Variants in PRKG2 observed in about 807,000 individuals in gnomAD.
PRKG2 encodes protein kinase cGMP-dependent 2.
Under a neutral mutation model 97.2 loss-of-function variants are expected in PRKG2, and 33 were observed. That is an observed-to-expected ratio of 0.34 (90% CI 0.26 to 0.45). The LOEUF is 0.45. Ranked by LOEUF, PRKG2 falls within the 20% of genes least tolerant of loss-of-function variation. The pLI, the probability that PRKG2 is intolerant of heterozygous loss-of-function variation, is 1.00. For missense variants in PRKG2, 638 were observed against 900.0 expected (o/e 0.71, Z 3.73); for synonymous variants, 330 against 321.8 (o/e 1.03, Z -0.27).
chr4:81,160,559 A>T (rs1749522445), intron 6 of PRKG2, among the ~76,000 whole-genome samples: 1 of 152,150 alleles, frequency 6.6e-6, no homozygotes, highest in African/African-American at 2.4e-5. Context: ...ATATTAGGAA[A>T]ATTACCCTTA....
chr4:81,101,515 A>G (rs1270736874), intron 17 of PRKG2, among the ~76,000 whole-genome samples: 2 of 140,070 alleles, frequency 1.4e-5, no homozygotes, highest in African/African-American at 5.3e-5. Flanking sequence ...GAATTGAACA[A>G]TGAGAACACA....
chr4:81,212,143 G>A (rs1754010019), intron 1 of PRKG2, among the ~76,000 whole-genome samples: 1 of 152,256 alleles, frequency 6.6e-6, no homozygotes, highest in Admixed American at 6.5e-5. Flanking sequence ...TTGACCCGGG[G>A]CTCAGTTTGG....
chr4:81,124,252 G>A (rs904968627), intron 14 of PRKG2, among the ~76,000 whole-genome samples: 2 of 151,918 alleles, frequency 1.3e-5, no homozygotes, highest in Admixed American at 1.3e-4. Flanking sequence ...AGCTTCTATT[G>A]TTGCTGTTGA....
chr4:81,167,118 A>G, intron 6 of PRKG2, 43 bp downstream of exon 6: 4 of 1,299,296 alleles, frequency 3.1e-6, no homozygotes, highest in South Asian at 1.3e-5. Flanking sequence ...GTACATTCTA[A>G]TATCTTCTAA....
chr4:81,134,236 T>C (rs1746448886), intron 14 of PRKG2, among the ~76,000 whole-genome samples: 1 of 152,206 alleles, frequency 6.6e-6, no homozygotes, highest in Admixed American at 6.5e-5. Context: ...ATGTGGGTGA[T>C]GAAACCTATC....
intron 11 of PRKG2, among the ~76,000 whole-genome samples, 160 bp downstream of exon 11, chr4:81,142,634 T>C (rs905473592): frequency 1.3e-5 from 2 of 152,160 alleles, no homozygotes; most frequent in African/African-American, 4.8e-5. Context: ...CCTGCTACTA[T>C]ACAATATACA....
chr4:81,139,627 T>C (rs1747062480), intron 12 of PRKG2, among the ~76,000 whole-genome samples: 1 of 149,840 alleles, frequency 6.7e-6, no homozygotes, highest in East Asian at 1.9e-4. Flanking sequence ...AAAAAAAAAT[T>C]AGCCAGGCAT....
chr4:81,135,340 C>G, intron 13 of PRKG2, 44 bp from the exon 14 acceptor site: 2 of 1,589,574 alleles, frequency 1.3e-6, no homozygotes, highest in South Asian at 2.3e-5. Flanking sequence ...GGATACACAT[C>G]TTTGGTGCTG....
intron 2 of PRKG2, among the ~76,000 whole-genome samples, chr4:81,195,399 C>T (rs1300829285): frequency 6.6e-6 from 1 of 152,086 alleles, no homozygotes; most frequent in African/African-American, 2.4e-5. Context: ...ATAAAATATA[C>T]ATAACATAAA....
chr4:81,194,016 T>C (rs1453774372), intron 2 of PRKG2, among the ~76,000 whole-genome samples: 1 of 152,100 alleles, frequency 6.6e-6, no homozygotes, highest in Non-Finnish European at 1.5e-5. Context: ...CTATAATCTA[T>C]TCCTCCTTAA....
At chr4:81,097,894 G>T (rs1029975729) in intron 17 of PRKG2, among the ~76,000 whole-genome samples, 15 of 152,090 alleles carry the variant, frequency 9.9e-5, no homozygotes, top group Non-Finnish European at 1.6e-4. Flanking sequence ...TGTTGTGTCT[G>T]GTTTGATCTC....
Position 81,145,490 on chromosome 4 carries a change from T to C in PRKG2, c.1155-1160A>G, listed in dbSNP as rs1003543269. On this transcript the variant is annotated intron_variant, in intron 9 of 18. Coordinates refer to ENST00000264399, the MANE Select transcript of PRKG2 (RefSeq NM_006259.3). ...ATTTTACCTTACTTTAGTAGTTCTCTGAGGATCAGCCAACATCTCATTACC... is the reference window on the plus strand; with the variant it reads ...ATTTTACCTTACTTTAGTAGTTCTCCGAGGATCAGCCAACATCTCATTACC... 3.9e-5 allele frequency among the ~76,000 whole-genome samples: 6 copies of C among 152,290 alleles called. No individual in the cohort carries two copies. In the South Asian group the frequency reaches 8.3e-4, roughly 21 times the overall value.
At chr4:81,212,815 T>C (rs965870180) in intron 1 of PRKG2, among the ~76,000 whole-genome samples, 4 of 152,226 alleles carry the variant, frequency 2.6e-5, no homozygotes, top group Non-Finnish European at 4.4e-5. Flanking sequence ...CTGTAAGATA[T>C]GGTAAGAAGG....
chr4:81,211,746 C>G (rs1262420610), intron 1 of PRKG2, among the ~76,000 whole-genome samples: 1 of 152,022 alleles, frequency 6.6e-6, no homozygotes, highest in African/African-American at 2.4e-5. Context: ...AAAAATTGAC[C>G]ATCTCCGTGG....
At chr4:81,154,181 C>G (rs1399182660) in intron 6 of PRKG2, 16 of 163,088 alleles carry the variant, frequency 9.8e-5, no homozygotes, top group African/African-American at 9.6e-5. Context: ...AAGGCAGCAG[C>G]GAGGCTCGGG....
chr4:81,106,382 C>G (rs2109972517), intron 15 of PRKG2, among the ~76,000 whole-genome samples: 1 of 152,210 alleles, frequency 6.6e-6, no homozygotes, highest in South Asian at 2.1e-4. Context: ...CTGGGAGGTC[C>G]TGCATAGTGA....
intron 14 of PRKG2, among the ~76,000 whole-genome samples, chr4:81,118,942 G>GC (rs1744815220): frequency 6.6e-6 from 1 of 152,042 alleles, no homozygotes; most frequent in Non-Finnish European, 1.5e-5. Flanking sequence ...CTGCAGGTGT[G>GC]AGCCACCACG....
chr4:81,110,057 T>C (rs1434961762), intron 15 of PRKG2, among the ~76,000 whole-genome samples: 1 of 152,192 alleles, frequency 6.6e-6, no homozygotes, highest in Non-Finnish European at 1.5e-5. Context: ...AATTGATCAA[T>C]GGATTTAACT....
rs185317577 is a variant in PRKG2, at chr4:81,176,008, T to A, written c.462-1049A>T. 4.6e-5 allele frequency: 7 copies of A among 152,262 alleles called. 1 individual carries two copies. The South Asian group carries it at 1.5e-3, about 32-fold the overall frequency. 9.4% of individuals were successfully genotyped at this position (152,262 alleles called of 1,614,324 possible). ...ATTACTGTTTGGAAGCTGGTGATCT[T>A]TTTCTACACAAAAAGTTTTCAAACA... On this transcript the variant is annotated intron_variant, in intron 2 of 18. Transcript: ENST00000264399.
Sources: gnomAD v4.1 joint callset for allele counts (sites outside exome capture counted in the v4.1 genomes callset) on GRCh38, gnomAD v4.1.1 for gene constraint, MANE v1.5 for transcripts, NCBI Gene and HGNC (gene_info 2026-07-23, HGNC 2026-07-21) for gene names.